ITPR2: variants seen among roughly 807,000 people sequenced by gnomAD.
ITPR2 encodes inositol 1,4,5-trisphosphate-gated calcium channel ITPR2.
ITPR2 carries 207 observed loss-of-function variants against 317.1 expected under a neutral mutation model. The ratio of observed to expected loss-of-function variants is 0.65; its 90% CI spans 0.58 to 0.73. The LOEUF is 0.73. Ranked by LOEUF, ITPR2 falls within the 30% of genes least tolerant of loss-of-function variation. ITPR2 has a pLI of 0.00. For synonymous variants in ITPR2, 1,156 were observed against 1,149.1 expected (o/e 1.01, Z -0.12); for missense variants, 2,613 against 3,284.0 (o/e 0.80, Z 4.99).
intron 8 of ITPR2, among the ~76,000 whole-genome samples, chr12:26,713,133 A>AC (rs966191249): frequency 1.2e-4 from 19 of 152,140 alleles, no homozygotes; most frequent in African/African-American, 4.6e-4. Flanking sequence ...GTGGGTAAGG[A>AC]CCCCTCAGCA....
chr12:26,427,992 G>T lies in ITPR2; in HGVS notation c.6866C>A (p.Pro2289Gln). ...TCTGAGCATTATTGATACAAGAAAC[G>T]GCCGAATACCCACAGGCTTGGAGAA... ...FFFSKPVGIR[P>Q]FLVSIMLRSI... is the part of the protein sequence containing the mutation. Residue 2289 changes from proline (P) to glutamine (Q), a missense_variant, in exon 49 of 57, where the codon CCG (proline) becomes CAG (glutamine). By Grantham distance (76) the Pro-to-Gln change is moderately conservative. Transcript: ENST00000381340. The T allele has an allele frequency of 6.2e-7, 1 of 1,612,370 alleles. No individual in the cohort carries two copies. The highest frequency in any genetic ancestry group is 1.1e-5 in the South Asian group (1 of 90,846).
At chr12:26,680,024 G>T (rs1947999200) in intron 13 of ITPR2, among the ~76,000 whole-genome samples, 2 of 152,012 alleles carry the variant, frequency 1.3e-5, no homozygotes, top group South Asian at 2.1e-4. Flanking sequence ...TGTGGATGAT[G>T]ATTTCTACAT....
intron 23 of ITPR2, among the ~76,000 whole-genome samples, chr12:26,626,283 G>T (rs150871873): frequency 1.7e-3 from 252 of 152,206 alleles, no homozygotes; most frequent in African/African-American, 5.6e-3. Flanking sequence ...ATGTTTAAAT[G>T]ATAAAATACA....
At chr12:26,568,435 T>C (rs1244930238) in intron 34 of ITPR2, among the ~76,000 whole-genome samples, 2 of 152,130 alleles carry the variant, frequency 1.3e-5, no homozygotes, top group Non-Finnish European at 2.9e-5. Flanking sequence ...TTTAGGCAAC[T>C]GTCTAATTAG....
At chr12:26,413,309 A>G (rs1940611793) in intron 51 of ITPR2, among the ~76,000 whole-genome samples, 1 of 152,202 alleles carries the variant, frequency 6.6e-6, no homozygotes, top group Admixed American at 6.5e-5. Context: ...ATTCAGCTTT[A>G]GAACTCAACC....
intron 41 of ITPR2, among the ~76,000 whole-genome samples, chr12:26,484,774 T>C (rs1226375826): frequency 1.3e-5 from 2 of 152,050 alleles, no homozygotes; most frequent in Non-Finnish European, 2.9e-5. Flanking sequence ...TGCAGTGGCA[T>C]CATCTCCGCT....
At chr12:26,603,813 G>A (rs1946058947) in intron 26 of ITPR2, among the ~76,000 whole-genome samples, 1 of 152,188 alleles carries the variant, frequency 6.6e-6, no homozygotes, top group Non-Finnish European at 1.5e-5. Context: ...GCAAGAACAA[G>A]CACACTAGTT....
chr12:26,666,679 G>A (rs539655922), intron 13 of ITPR2, among the ~76,000 whole-genome samples: 2 of 152,200 alleles, frequency 1.3e-5, no homozygotes, highest in South Asian at 4.1e-4. Context: ...CAAAATACTG[G>A]AAGTATTAAA....
chr12:26,806,394 C>G (rs1950639296), intron 1 of ITPR2, among the ~76,000 whole-genome samples: 1 of 151,342 alleles, frequency 6.6e-6, no homozygotes, highest in Non-Finnish European at 1.5e-5. Flanking sequence ...ATAGAAAAAG[C>G]CTTGAAAAAA....
chr12:26,757,369 C>T (rs1949543679), intron 2 of ITPR2, among the ~76,000 whole-genome samples: 1 of 152,062 alleles, frequency 6.6e-6, no homozygotes, highest in African/African-American at 2.4e-5. Flanking sequence ...GTGCCCACCA[C>T]CATGCCTGGC....
intron 21 of ITPR2, among the ~76,000 whole-genome samples, chr12:26,646,243 A>G (rs750084562): frequency 1.2e-4 from 19 of 152,268 alleles, no homozygotes; most frequent in Non-Finnish European, 7.4e-5. Context: ...CTAACCTCGT[A>G]GTTTTATAAA....
At chr12:26,551,034 T>C (rs529188837) in intron 36 of ITPR2, among the ~76,000 whole-genome samples, 1 of 152,296 alleles carries the variant, frequency 6.6e-6, no homozygotes, top group South Asian at 2.1e-4. Flanking sequence ...AAGATCACCA[T>C]CCCCAAGAAC....
At chr12:26,444,912 T>C (rs1327181520) in intron 45 of ITPR2, among the ~76,000 whole-genome samples, 2 of 152,188 alleles carry the variant, frequency 1.3e-5, no homozygotes, top group Non-Finnish European at 2.9e-5. Context: ...AAGAAAACTA[T>C]TTCCTATTTT....
chr12:26,677,058 T>A (rs1947923554), intron 13 of ITPR2, among the ~76,000 whole-genome samples: 1 of 151,704 alleles, frequency 6.6e-6, no homozygotes, highest in African/African-American at 2.4e-5. Flanking sequence ...TCAGGAAGAA[T>A]ATATGGTCAA....
rs557064527 is a variant in ITPR2, at chr12:26,536,420, G to T, written c.5073+13827C>A. 5.3e-5 allele frequency among the ~76,000 whole-genome samples: 8 copies of T among 152,216 alleles called. No individual in the cohort carries two copies. The East Asian group carries it at 1.3e-3, about 26-fold the overall frequency. On this transcript the variant is annotated intron_variant, in intron 37 of 56. Coordinates refer to ENST00000381340, the MANE Select transcript of ITPR2 (RefSeq NM_002223.4). ...AAACAGCTGCTCAACAGTAGAACTC[G>T]AGACTATGAAATCTGAGGTGAATAA...
intron 1 of ITPR2, among the ~76,000 whole-genome samples, chr12:26,819,841 C>T (rs954318636): frequency 2.6e-5 from 4 of 151,736 alleles, no homozygotes; most frequent in Admixed American, 6.6e-5. Flanking sequence ...CCGAGGCAGG[C>T]GGATCACTTG....
In ITPR2 at chr12:26,497,409, C is replaced by T. The variant is rs185626790; in HGVS notation, c.5074-2149G>A. On this transcript the variant is annotated intron_variant, in intron 37 of 56. Coordinates refer to ENST00000381340, the MANE Select transcript of ITPR2 (RefSeq NM_002223.4). ...GACCTCCTGATCCGCCTGCCTCGGC[C>T]TCCCAAAGTGCTGGGATTACAGGCA... 7.9e-4 allele frequency among the ~76,000 whole-genome samples: 42 copies of T among 53,428 alleles called. 1 individual carries two copies. The highest frequency in any genetic ancestry group is 2.4e-3 in the African/African-American group (41 of 17,418). 35.1% of individuals were successfully genotyped at this position (53,428 alleles called of 152,430 possible).
intron 37 of ITPR2, among the ~76,000 whole-genome samples, chr12:26,548,267 T>C (rs1267872873): frequency 2.6e-5 from 4 of 152,158 alleles, no homozygotes; most frequent in Non-Finnish European, 4.4e-5. Context: ...TGATTCCAGA[T>C]GAAGCAAAGG....
intron 45 of ITPR2, among the ~76,000 whole-genome samples, chr12:26,457,857 G>C (rs980687435): frequency 3.3e-5 from 5 of 152,150 alleles, no homozygotes; most frequent in Non-Finnish European, 5.9e-5. Flanking sequence ...GGTACTTTAT[G>C]AATATTTACC....
Sources: allele counts gnomAD v4.1 joint callset (sites outside exome capture counted in the v4.1 genomes callset), GRCh38; gene constraint gnomAD v4.1.1; transcripts MANE v1.5; gene names NCBI Gene and HGNC (gene_info 2026-07-23, HGNC 2026-07-21).